Variants in RBFOX1 observed in about 807,000 individuals in gnomAD.
The protein encoded by RBFOX1 is RNA binding protein fox-1 homolog 1.
In RBFOX1, 8 loss-of-function variants were observed where a neutral mutation model predicts 57.7. That is an observed-to-expected ratio of 0.14 (90% CI 0.08 to 0.25). The LOEUF (loss-of-function observed/expected upper bound fraction) is 0.25, where lower values mean the gene tolerates loss of function less well. RBFOX1 is among the 10% of genes least tolerant of loss of function. The pLI is 1.00. For missense variants in RBFOX1, 611 were observed against 548.5 expected (o/e 1.11, Z -1.14); for synonymous variants, 326 against 222.4 (o/e 1.47, Z -4.15).
At chr16:5,486,053 C>G (rs967080477) in intron 2 of RBFOX1, among the ~76,000 whole-genome samples, 1 of 152,202 alleles carries the variant, frequency 6.6e-6, no homozygotes. Context: ...ATAATTTATT[C>G]TAATTTTGAC....
At chr16:7,596,609 T>G (rs1443540941) in intron 8 of RBFOX1, among the ~76,000 whole-genome samples, 1 of 152,008 alleles carries the variant, frequency 6.6e-6, no homozygotes, top group Non-Finnish European at 1.5e-5. Context: ...CCACGTGAAT[T>G]TTTTTGACTT....
intron 1 of RBFOX1, among the ~76,000 whole-genome samples, chr16:6,131,268 G>C (rs534371546): frequency 2.0e-4 from 31 of 152,146 alleles, no homozygotes; most frequent in Admixed American, 7.9e-4. Context: ...ATCTTTATTA[G>C]CCTAAGCCCC....
chr16:7,506,614 C>CACA (rs1376960308), intron 4 of RBFOX1, among the ~76,000 whole-genome samples: 2 of 152,104 alleles, frequency 1.3e-5, no homozygotes, highest in African/African-American at 4.8e-5. Context: ...TCACCACCAC[C>CACA]ACCATCTTTG....
chr16:7,692,778 A>T (rs968638420), intron 14 of RBFOX1, among the ~76,000 whole-genome samples: 1 of 152,138 alleles, frequency 6.6e-6, no homozygotes, highest in South Asian at 2.1e-4. Context: ...GGTTTATTTC[A>T]ATTGACAAGT....
chr16:7,676,932 G>C, intron 14 of RBFOX1, 94 bp downstream of exon 14: 1 of 1,286,336 alleles, frequency 7.8e-7, no homozygotes, highest in Non-Finnish European at 1.1e-6. Flanking sequence ...GAAACTGCAT[G>C]ACTGCTGGGG....
At chr16:7,158,191 C>G (rs1238877296) in intron 4 of RBFOX1, among the ~76,000 whole-genome samples, 10 of 151,956 alleles carry the variant, frequency 6.6e-5, no homozygotes, top group African/African-American at 1.5e-4. Context: ...TATAAAAATA[C>G]AAAAATTAGC....
chr16:7,644,059 A>G (rs1360002060), intron 11 of RBFOX1, among the ~76,000 whole-genome samples: 1 of 152,174 alleles, frequency 6.6e-6, no homozygotes, highest in African/African-American at 2.4e-5. Context: ...ATCCAAACTG[A>G]GAGTCTCTAA....
chr16:6,844,795 T>A (rs905208804), intron 3 of RBFOX1, among the ~76,000 whole-genome samples: 1 of 152,200 alleles, frequency 6.6e-6, no homozygotes, highest in Admixed American at 6.5e-5. Context: ...TAATTTACAC[T>A]GCCTCCAACA....
At chr16:6,812,669 G>A (rs375895182) in intron 3 of RBFOX1, among the ~76,000 whole-genome samples, 4 of 152,224 alleles carry the variant, frequency 2.6e-5, no homozygotes, top group East Asian at 3.9e-4. Flanking sequence ...GAGCTACCAC[G>A]CCTGGCCTTG....
At chr16:5,250,616 T>C (rs750999045) in intron 1 of RBFOX1, among the ~76,000 whole-genome samples, 110 of 152,328 alleles carry the variant, frequency 7.2e-4, no homozygotes, top group Admixed American at 2.4e-3. Context: ...TTTAAAAAAA[T>C]AAAAATGGAA....
intron 1 of RBFOX1, chr16:5,260,966 C>T (rs929401368): frequency 1.9e-4 from 29 of 152,230 alleles, no homozygotes; most frequent in African/African-American, 7.0e-4. Context: ...GGGTGAAGGA[C>T]ATTGGTGACC....
intron 3 of RBFOX1, among the ~76,000 whole-genome samples, chr16:6,766,591 C>T (rs1329025560): frequency 3.3e-5 from 5 of 151,812 alleles, no homozygotes; most frequent in Admixed American, 2.0e-4. Flanking sequence ...ACCTACTAGT[C>T]ACATGGGACT....
chr16:6,030,268 G>A (rs1218229180), intron 1 of RBFOX1, among the ~76,000 whole-genome samples: 1 of 152,080 alleles, frequency 6.6e-6, no homozygotes, highest in Non-Finnish European at 1.5e-5. Flanking sequence ...TGTTAGCTTT[G>A]GTTTCAGGAT....
chr16:7,627,537 C>T (rs1273250162), intron 10 of RBFOX1, among the ~76,000 whole-genome samples: 1 of 152,132 alleles, frequency 6.6e-6, no homozygotes, highest in Admixed American at 6.5e-5. Context: ...ATGTTGAAGG[C>T]TAGGGACAGA....
intron 1 of RBFOX1, among the ~76,000 whole-genome samples, chr16:5,429,143 G>A (rs1000370857): frequency 1.4e-4 from 22 of 152,130 alleles, no homozygotes; most frequent in African/African-American, 5.1e-4. Context: ...CAGCCCTGCA[G>A]TGTTTTCTTT....
chr16:7,248,293 C>A (rs1412218979), intron 4 of RBFOX1, among the ~76,000 whole-genome samples: 1 of 152,172 alleles, frequency 6.6e-6, no homozygotes, highest in African/African-American at 2.4e-5. Context: ...GCCTTTCCTA[C>A]CTACTGCTCA....
chr16:6,087,657 CTTT>C (rs199760935), intron 1 of RBFOX1, among the ~76,000 whole-genome samples: 3 of 142,884 alleles, frequency 2.1e-5, no homozygotes, highest in Non-Finnish European at 1.5e-5. Context: ...ATTTATCTTA[CTTT>C]TTTTTTTTTT....
chr16:6,579,235 A>AT (rs1458660280), intron 2 of RBFOX1, among the ~76,000 whole-genome samples: 10 of 151,974 alleles, frequency 6.6e-5, no homozygotes, highest in Non-Finnish European at 1.5e-4. Context: ...AAAAGGTCTT[A>AT]TTCTGTTACC....
At chr16:5,609,465 CT>C (rs1335321632) in intron 3 of RBFOX1, among the ~76,000 whole-genome samples, 1 of 152,166 alleles carries the variant, frequency 6.6e-6, no homozygotes, top group Non-Finnish European at 1.5e-5. Context: ...AGCTTCCAGG[CT>C]TTTATTCAAG....
Sources: allele counts gnomAD v4.1 joint callset (sites outside exome capture counted in the v4.1 genomes callset), GRCh38; gene constraint gnomAD v4.1.1; transcripts MANE v1.5; gene names NCBI Gene and HGNC (gene_info 2026-07-23, HGNC 2026-07-21).